RIMKLB: variants seen among roughly 807,000 people sequenced by gnomAD.
The protein encoded by RIMKLB is ribosomal modification protein rimK like family member B, also known as beta-citrylglutamate synthase B.
In RIMKLB, 7 loss-of-function variants were observed where a neutral mutation model predicts 32.0. The observed-to-expected ratio is 0.22, with a 90% CI of 0.12 to 0.41. RIMKLB has a LOEUF of 0.41. RIMKLB is among the 10% of genes least tolerant of loss of function. The pLI, the probability that RIMKLB is intolerant of heterozygous loss-of-function variation, is 1.00. For missense variants in RIMKLB, 289 were observed against 498.7 expected (o/e 0.58, Z 4.00); for synonymous variants, 172 against 185.1 (o/e 0.93, Z 0.57).
intron 5 of RIMKLB, among the ~76,000 whole-genome samples, chr12:8,764,526 G>C (rs1949792513): frequency 1.3e-5 from 2 of 152,192 alleles, no homozygotes; most frequent in South Asian, 4.2e-4. Flanking sequence ...GATAGTGACA[G>C]ATTTGGAGGA....
chr12:8,727,391 C>T (rs910695620), intron 2 of RIMKLB, among the ~76,000 whole-genome samples: 1 of 152,280 alleles, frequency 6.6e-6, no homozygotes, highest in Non-Finnish European at 1.5e-5. Context: ...TGTGCCACCA[C>T]GCCCAGCTAA....
At chr12:8,736,596 A>G (rs1947030016) in intron 2 of RIMKLB, among the ~76,000 whole-genome samples, 1 of 149,334 alleles carries the variant, frequency 6.7e-6, no homozygotes, top group South Asian at 2.1e-4. Context: ...GCTCACTGCA[A>G]CGTTGACCTC....
At chr12:8,730,408 T>A (rs1211870651) in intron 2 of RIMKLB, among the ~76,000 whole-genome samples, 1 of 152,070 alleles carries the variant, frequency 6.6e-6, no homozygotes, top group Non-Finnish European at 1.5e-5. Flanking sequence ...CTTTTAGATG[T>A]CTTAATTTCC....
At chr12:8,715,228 C>CTTTTTTTTT (rs61677474) in intron 2 of RIMKLB, among the ~76,000 whole-genome samples, 35 of 123,724 alleles carry the variant, frequency 2.8e-4, no homozygotes, top group African/African-American at 1.1e-3. Flanking sequence ...TGCTCTTGTT[C>CTTTTTTTTT]TTTTTTTTTT....
chr12:8,686,537 T>G (rs1591595448), intron 1 of RIMKLB, among the ~76,000 whole-genome samples: 1 of 151,990 alleles, frequency 6.6e-6, no homozygotes, highest in South Asian at 2.1e-4. Flanking sequence ...TGGAGTGCAG[T>G]GGCGCGATCT....
intron 2 of RIMKLB, among the ~76,000 whole-genome samples, chr12:8,723,803 C>CTT (rs1565578880): frequency 1.2e-4 from 13 of 105,702 alleles, no homozygotes; most frequent in African/African-American, 4.4e-4. Flanking sequence ...TCTTCAGTTC[C>CTT]CTTTTTTTTT....
intron 2 of RIMKLB, among the ~76,000 whole-genome samples, chr12:8,728,132 C>T (rs1343928170): frequency 3.3e-5 from 5 of 152,048 alleles, no homozygotes; most frequent in African/African-American, 1.2e-4. Flanking sequence ...TTACATTATC[C>T]ATCAGTTTTT....
chr12:8,782,123 A>T (rs1951110298), downstream of RIMKLB, among the ~76,000 whole-genome samples: 1 of 133,838 alleles, frequency 7.5e-6, no homozygotes. Context: ...AATGCTTTAG[A>T]ACTGAAAGAA....
chr12:8,725,968 C>T (rs1461389422), intron 2 of RIMKLB, among the ~76,000 whole-genome samples: 1 of 152,332 alleles, frequency 6.6e-6, no homozygotes, highest in South Asian at 2.1e-4. Context: ...CTGTCTCAGC[C>T]TCCCGAATAG....
In RIMKLB at chr12:8,776,482, T is replaced by TAAAAGAGCA; in HGVS notation, c.*2698_*2699insAAAAGAGCA. 1.4e-6 allele frequency: 1 copy of TAAAAGAGCA among 734,358 alleles called. No homozygotes were observed. Among genetic ancestry groups the TAAAAGAGCA allele is most frequent in the Non-Finnish European group, 1.7e-6 (1 of 601,256 alleles). 45.5% of individuals were successfully genotyped at this position (734,358 alleles called of 1,614,324 possible). On this transcript the variant is annotated 3_prime_UTR_variant, in exon 6 of 6. Transcript: ENST00000535829. ...TCTTCATTGCTATTATGAGAGAGAA[T>TAAAAGAGCA]GTATATATCAAATATGTGTAATGAT...
the RIMKLB span, among the ~76,000 whole-genome samples, chr12:8,673,230 G>GCAAGA: frequency 1.3e-5 from 2 of 152,024 alleles, no homozygotes; most frequent in East Asian, 3.9e-4. Context: ...CTAATACAGT[G>GCAAGA]ACAGAGCTAT....
In RIMKLB at chr12:8,773,951, A is replaced by T; in HGVS notation, c.*167A>T. The T allele has an allele frequency of 7.1e-7, 1 of 1,408,168 alleles. No homozygotes were observed. Among genetic ancestry groups the T allele is most frequent in the Non-Finnish European group, 9.2e-7 (1 of 1,085,192 alleles). 87.2% of individuals were successfully genotyped at this position (1,408,168 alleles called of 1,614,324 possible). A position where few individuals can be genotyped will look rare whatever the true frequency, so the allele number is the denominator to read the frequency against. ...GATAGATGAGACCTCTGCTAGTAAGATGTTACTTTCATTTACAAATCCTAC... is the reference window on the plus strand; with the variant it reads ...GATAGATGAGACCTCTGCTAGTAAGTTGTTACTTTCATTTACAAATCCTAC... On this transcript the variant is annotated 3_prime_UTR_variant, in exon 6 of 6. Transcript: ENST00000535829.
At chr12:8,726,577 A>G (rs1253970684) in intron 2 of RIMKLB, among the ~76,000 whole-genome samples, 1 of 149,384 alleles carries the variant, frequency 6.7e-6, no homozygotes, top group Non-Finnish European at 1.5e-5. Flanking sequence ...ATCTTTCTCT[A>G]TCCATTTGCT....
intron 1 of RIMKLB, among the ~76,000 whole-genome samples, chr12:8,690,117 A>G (rs764927261): frequency 6.6e-6 from 1 of 152,158 alleles, no homozygotes; most frequent in Non-Finnish European, 1.5e-5. Context: ...AACATTTTAC[A>G]GTTTCCTACA....
At chr12:8,669,518 A>G in the RIMKLB span, among the ~76,000 whole-genome samples, 1 of 152,180 alleles carries the variant, frequency 6.6e-6, no homozygotes, top group Non-Finnish European at 1.5e-5. Context: ...ATTAATGTAA[A>G]TTAGTAATAA....
At chr12:8,732,077 T>TC (rs929446923) in intron 2 of RIMKLB, among the ~76,000 whole-genome samples, 1 of 151,960 alleles carries the variant, frequency 6.6e-6, no homozygotes, top group African/African-American at 2.4e-5. Context: ...GTGTCTTGGG[T>TC]CCCTTGGCCT....
chr12:8,742,411 AC>A, intron 2 of RIMKLB: 1 of 288,118 alleles, frequency 3.5e-6, no homozygotes, highest in Non-Finnish European at 6.6e-6. Flanking sequence ...ATTGTAACTT[AC>A]AGGGAAGTTT....
chr12:8,747,226 T>C (rs1948177536), intron 2 of RIMKLB, among the ~76,000 whole-genome samples: 1 of 152,190 alleles, frequency 6.6e-6, no homozygotes, highest in Non-Finnish European at 1.5e-5. Flanking sequence ...ATAAATTCTT[T>C]AGTTCAGAAC....
chr12:8,758,185 T>C (rs1949221951), intron 5 of RIMKLB, among the ~76,000 whole-genome samples: 1 of 152,162 alleles, frequency 6.6e-6, no homozygotes, highest in South Asian at 2.1e-4. Flanking sequence ...ATCTCATCTA[T>C]GAATTGCCTG....
Sources: gnomAD v4.1 joint callset for allele counts (sites outside exome capture counted in the v4.1 genomes callset) on GRCh38, gnomAD v4.1.1 for gene constraint, MANE v1.5 for transcripts, NCBI Gene and HGNC (gene_info 2026-07-23, HGNC 2026-07-21) for gene names.